ATP6V1E1: variants seen among roughly 807,000 people sequenced by gnomAD.
ATP6V1E1 encodes V-type proton ATPase subunit E 1.
ATP6V1E1 carries 21 observed loss-of-function variants against 35.2 expected under a neutral mutation model. That is an observed-to-expected ratio of 0.60 (90% CI 0.42 to 0.86). The LOEUF (loss-of-function observed/expected upper bound fraction) is 0.86. ATP6V1E1 is among the 40% of genes least tolerant of loss of function. ATP6V1E1 has a pLI of 0.00. For missense variants in ATP6V1E1, 183 were observed against 272.6 expected, an observed-to-expected ratio of 0.67 and a Z score of 2.32; for synonymous variants, 83 against 87.8, an observed-to-expected ratio of 0.95 and a Z score of 0.30.
intron 1 of ATP6V1E1, among the ~76,000 whole-genome samples, chr22:17,626,325 A>AAAAAG (rs1555864859): frequency 0.079 from 9,595 of 121,736 alleles, 883 homozygotes; most frequent in African/African-American, 0.18. Flanking sequence ...AAAAAAAAAA[A>AAAAAG]AAAGAAAGAA....
chr22:17,616,278 G>C (rs2057843996), intron 2 of ATP6V1E1, among the ~76,000 whole-genome samples: 1 of 152,306 alleles, frequency 6.6e-6, no homozygotes, highest in East Asian at 1.9e-4. Context: ...AACCCAGGAG[G>C]TGGGGGTTGT....
intron 7 of ATP6V1E1, 96 bp downstream of exon 7, chr22:17,598,098 G>C: frequency 3.2e-6 from 3 of 949,190 alleles, no homozygotes; most frequent in Non-Finnish European, 1.7e-6. Context: ...CTAAGAGTGC[G>C]TTTAAATGGT....
intron 4 of ATP6V1E1, among the ~76,000 whole-genome samples, chr22:17,606,466 G>A (rs1370247445): frequency 2.0e-5 from 3 of 147,420 alleles, no homozygotes; most frequent in South Asian, 4.2e-4. Context: ...ACGGCAAGAA[G>A]TTAAGACTGT....
At chr22:17,628,796 A>C (rs548021028), upstream of ATP6V1E1, 5 of 917,602 alleles carry the variant, frequency 5.4e-6, no homozygotes, top group African/African-American at 1.7e-5. Context: ...GTTCATCCTC[A>C]TGACCCTTCT....
rs150344720 is a variant in ATP6V1E1, at chr22:17,592,800, C to CTTTTTT, written c.619-70_619-65dup. 2.8e-5 allele frequency: 20 copies of CTTTTTT among 720,838 alleles called. No individual in the cohort carries two copies. In the African/African-American group the frequency reaches 3.6e-4, roughly 13 times the overall value. 44.7% of individuals were successfully genotyped at this position (720,838 alleles called of 1,614,324 possible). A position where few individuals can be genotyped will look rare whatever the true frequency, so the allele number is the denominator to read the frequency against. ...GAAGAAGTTGTAGAGCGCTGCACAT[C>CTTTTTT]TTTTTTTTTTTTTTTTTTTTGAGAC... On this transcript the variant is annotated intron_variant, in intron 8 of 8. Transcript: ENST00000253413.
intron 6 of ATP6V1E1, 78 bp downstream of exon 6, chr22:17,599,949 A>G: frequency 2.8e-6 from 3 of 1,079,142 alleles, no homozygotes; most frequent in South Asian, 1.4e-5. Context: ...GGAAGGAAGG[A>G]AGGAAAAGAA....
At chr22:17,612,648 C>T (rs1024245534) in intron 4 of ATP6V1E1, 164 bp downstream of exon 4, 1 of 644,328 alleles carries the variant, frequency 1.6e-6, no homozygotes, top group Non-Finnish European at 2.6e-6. Context: ...TCCTTCAATA[C>T]AGGCCTTGGC....
At chr22:17,599,431 C>A (rs1280359190) in intron 6 of ATP6V1E1, among the ~76,000 whole-genome samples, 1 of 150,108 alleles carries the variant, frequency 6.7e-6, no homozygotes, top group Non-Finnish European at 1.5e-5. Flanking sequence ...AAAAAATTAG[C>A]CAGGCATGGT....
rs942030457 is a variant in ATP6V1E1 at position 17,624,237 on chromosome 22, A to T, written c.33+4366T>A. 1.2e-3 allele frequency among the ~76,000 whole-genome samples: 178 copies of T among 152,322 alleles called. 3 individuals carry two copies. The East Asian group carries it at 0.027, about 23-fold the overall frequency. On this transcript the variant is annotated intron_variant, in intron 1 of 8. Coordinates refer to ENST00000253413, the MANE Select transcript of ATP6V1E1 (RefSeq NM_001696.4). The stretch of plus-strand genomic sequence containing the variant: ...GCATGAAGGATTATAGGAAATAGAC[A>T]AGATTCCTTCTTTCAATTTTACATA...
chr22:17,594,432 C>T, intron 8 of ATP6V1E1, 97 bp downstream of exon 8: 1 of 985,478 alleles, frequency 1.0e-6, no homozygotes, highest in Non-Finnish European at 1.4e-6. Flanking sequence ...ACTGGAAAGA[C>T]AGCAACAAAT....
At chr22:17,611,440 AG>A (rs1262633975) in intron 4 of ATP6V1E1, among the ~76,000 whole-genome samples, 2 of 152,190 alleles carry the variant, frequency 1.3e-5, no homozygotes, top group Admixed American at 1.3e-4. Context: ...TATTATTTGA[AG>A]TAATATAGGA....
intron 1 of ATP6V1E1, among the ~76,000 whole-genome samples, chr22:17,623,828 A>G (rs977018206): frequency 6.6e-5 from 10 of 152,148 alleles, no homozygotes; most frequent in African/African-American, 1.9e-4. Flanking sequence ...AGCCTAGAGC[A>G]AACTGCGCTA....
chr22:17,614,002 A>G (rs1385564104), intron 2 of ATP6V1E1, among the ~76,000 whole-genome samples: 2 of 151,920 alleles, frequency 1.3e-5, no homozygotes, highest in South Asian at 2.1e-4. Context: ...TGCCCATAAA[A>G]TGTGGTCGAG....
rs575863671 is a variant in ATP6V1E1, at chr22:17,614,415, G to T, written c.100-1095C>A. Among the ~76,000 whole-genome samples, 8 of 152,100 alleles carry T rather than the reference G, an allele frequency of 5.3e-5. 1 individual carries two copies. In the South Asian group the frequency reaches 6.3e-4, roughly 12 times the overall value. On this transcript the variant is annotated intron_variant, in intron 2 of 8. Transcript: ENST00000253413. ...CTAACGCCTGCCATCCCAGCACTTT[G>T]GGGGGCTGAGGCGGGCAGATCACCT...
rs5747251 is a variant in ATP6V1E1, at chr22:17,600,401, C to T, written c.367-306G>A. Among the ~76,000 whole-genome samples the T allele has an allele frequency of 0.12, 18,824 of 152,082 alleles. 1,599 individuals carry two copies. The highest frequency in any genetic ancestry group is 0.18 in the Non-Finnish European group (12,041 of 67,970). On this transcript the variant is annotated intron_variant, in intron 5 of 8. Coordinates refer to ENST00000253413, the MANE Select transcript of ATP6V1E1 (RefSeq NM_001696.4). ...GAAGTAAACAGAGATGATGTCAATGCACTCCTGCCTGGCTGACAGAGTGAG... is the reference window on the plus strand; with the variant it reads ...GAAGTAAACAGAGATGATGTCAATGTACTCCTGCCTGGCTGACAGAGTGAG...
At chr22:17,608,656 G>C (rs1463896134) in intron 4 of ATP6V1E1, among the ~76,000 whole-genome samples, 1 of 152,138 alleles carries the variant, frequency 6.6e-6, no homozygotes, top group African/African-American at 2.4e-5. Flanking sequence ...TCAAACTCTT[G>C]GCCTCAAGCC....
chr22:17,619,646 G>A (rs937210032), intron 1 of ATP6V1E1, 120 bp from the exon 2 acceptor site: 5 of 826,456 alleles, frequency 6.0e-6, no homozygotes, highest in African/African-American at 5.2e-5. Flanking sequence ...ACCACTCTGG[G>A]GGGCCAAGGA....
intron 1 of ATP6V1E1, among the ~76,000 whole-genome samples, chr22:17,619,861 A>G (rs5992761): frequency 0.1 from 15,711 of 152,282 alleles, 923 homozygotes; most frequent in African/African-American, 0.15. Context: ...ACAATACTCA[A>G]TAACACAGAT....
In ATP6V1E1 at chr22:17,628,394, CGG is replaced by C. The variant is rs1568898954; in HGVS notation, c.33+207_33+208del. On this transcript the variant is annotated intron_variant, in intron 1 of 8. Transcript: ENST00000253413. ...TTCAAGAAGGCAGCGCGCAGGCAAG[CGG>C]GCAGTGCCCAAGACCCGAGCAAAAG... 1.1e-4 allele frequency among the ~76,000 whole-genome samples: 17 copies of C among 152,370 alleles called. No individual in the cohort carries two copies. In the South Asian group the frequency reaches 3.5e-3, roughly 32 times the overall value.
Sources: allele counts gnomAD v4.1 joint callset (sites outside exome capture counted in the v4.1 genomes callset), GRCh38; gene constraint gnomAD v4.1.1; transcripts MANE v1.5; gene names NCBI Gene and HGNC (gene_info 2026-07-23, HGNC 2026-07-21).